PTPRD: variants seen among roughly 807,000 people sequenced by gnomAD.
The protein encoded by PTPRD is protein tyrosine phosphatase receptor type D, also known as receptor-type tyrosine-protein phosphatase delta.
A neutral mutation model predicts 214.5 loss-of-function variants in PTPRD; 34 were observed. That is an observed-to-expected ratio of 0.16 (90% CI 0.12 to 0.21). The LOEUF (loss-of-function observed/expected upper bound fraction) is 0.21, where lower values mean the gene tolerates loss of function less well. PTPRD is among the 10% of genes least tolerant of loss of function. The probability of loss-of-function intolerance (pLI) is 1.00; values close to 1 mark genes in which losing one functional copy is unlikely to be tolerated. For synonymous variants in PTPRD, 1,128 were observed against 845.7 expected, an observed-to-expected ratio of 1.33 and a Z score of -5.79; for missense variants, 2,545 against 2,398.7, an observed-to-expected ratio of 1.06 and a Z score of -1.27.
chr9:8,736,290 T>G (rs1211454285), intron 11 of PTPRD, among the ~76,000 whole-genome samples: 1 of 152,212 alleles, frequency 6.6e-6, no homozygotes, highest in Non-Finnish European at 1.5e-5. Flanking sequence ...CAGCCTCTTA[T>G]GCAGAGTACA....
At chr9:9,941,151 T>C (rs1287978166) in intron 4 of PTPRD, among the ~76,000 whole-genome samples, 1 of 152,168 alleles carries the variant, frequency 6.6e-6, no homozygotes, top group Non-Finnish European at 1.5e-5. Flanking sequence ...TTCAAAGCCG[T>C]CCTGGGCCGC....
At chr9:8,869,748 AT>A (rs1304207543) in intron 11 of PTPRD, among the ~76,000 whole-genome samples, 2 of 151,506 alleles carry the variant, frequency 1.3e-5, no homozygotes, top group Non-Finnish European at 2.9e-5. Flanking sequence ...AAAAAAAAAA[AT>A]CACAGGTGGC....
intron 6 of PTPRD, among the ~76,000 whole-genome samples, chr9:9,759,952 T>C (rs767512443): frequency 1.3e-5 from 2 of 152,204 alleles, no homozygotes; most frequent in African/African-American, 2.4e-5. Context: ...AATATATCTT[T>C]CTTTCCTTCT....
Position 8,518,987 on chromosome 9 carries a change from G to A in PTPRD, c.962-558C>T, listed in dbSNP as rs995116271. On this transcript the variant is annotated intron_variant, in intron 20 of 45. Coordinates refer to ENST00000381196, the MANE Select transcript of PTPRD (RefSeq NM_002839.4). The stretch of plus-strand genomic sequence containing the variant: ...CGATAAACATTGAAAAGAACAAAAT[G>A]TGGAATACATTGAAATGAAATTAAA... Among the ~76,000 whole-genome samples the A allele has an allele frequency of 6.6e-5, 10 of 152,174 alleles. 2 individuals carry two copies. The highest frequency in any genetic ancestry group is 4.6e-4 in the Admixed American group (7 of 15,272).
At chr9:10,186,985 G>A (rs1029541530) in intron 3 of PTPRD, among the ~76,000 whole-genome samples, 1 of 152,098 alleles carries the variant, frequency 6.6e-6, no homozygotes, top group African/African-American at 2.4e-5. Flanking sequence ...GAGAGAAAAG[G>A]AATTTTGCTT....
At chr9:9,589,099 C>G (rs545730205) in intron 7 of PTPRD, among the ~76,000 whole-genome samples, 1 of 151,896 alleles carries the variant, frequency 6.6e-6, no homozygotes, top group Admixed American at 6.6e-5. Flanking sequence ...TTTCTTAGTT[C>G]TAGGCAACTA....
At chr9:8,395,611 A>C (rs1361718273) in intron 36 of PTPRD, among the ~76,000 whole-genome samples, 3 of 151,900 alleles carry the variant, frequency 2.0e-5, no homozygotes, top group African/African-American at 7.2e-5. Context: ...AGTCTTTCCA[A>C]GTTTCTACAA....
intron 7 of PTPRD, among the ~76,000 whole-genome samples, chr9:9,628,659 C>A (rs1271310676): frequency 6.6e-6 from 1 of 151,982 alleles, no homozygotes; most frequent in East Asian, 1.9e-4. Flanking sequence ...TTGAAAGAAA[C>A]AGACATTCCC....
intron 37 of PTPRD, among the ~76,000 whole-genome samples, chr9:8,378,745 C>T (rs1446927743): frequency 1.3e-5 from 2 of 151,968 alleles, no homozygotes; most frequent in Admixed American, 6.6e-5. Context: ...ATGCACTGAA[C>T]CAAATTCAAT....
At chr9:9,228,783 C>A (rs942877886) in intron 9 of PTPRD, among the ~76,000 whole-genome samples, 1 of 152,106 alleles carries the variant, frequency 6.6e-6, no homozygotes, top group African/African-American at 2.4e-5. Flanking sequence ...CTATTAATTT[C>A]TTTTCCTTTT....
At position 10,552,569 on chromosome 9, in the gene PTPRD, G is replaced by A. The variant is rs150650529; in HGVS notation, c.-600+59829C>T. Among the ~76,000 whole-genome samples the A allele has an allele frequency of 1.7e-3, 259 of 151,988 alleles. 1 individual carries two copies. Among genetic ancestry groups the A allele is most frequent in the African/African-American group, 6.0e-3 (250 of 41,438 alleles). On this transcript the variant is annotated intron_variant, in intron 2 of 45. Coordinates refer to ENST00000381196, the MANE Select transcript of PTPRD (RefSeq NM_002839.4). ...TCCAGCCATCTTAGAATCCCATAATGCATCACATTTATATCCCTACCACTG... is the reference window on the plus strand; with the variant it reads ...TCCAGCCATCTTAGAATCCCATAATACATCACATTTATATCCCTACCACTG...
At chr9:9,221,761 T>C (rs1593913719) in intron 9 of PTPRD, among the ~76,000 whole-genome samples, 2 of 152,054 alleles carry the variant, frequency 1.3e-5, no homozygotes, top group African/African-American at 4.8e-5. Flanking sequence ...ATTCTGTCCA[T>C]AGCAACAACC....
intron 9 of PTPRD, among the ~76,000 whole-genome samples, chr9:9,383,857 C>T (rs2063046123): frequency 6.6e-6 from 1 of 151,954 alleles, no homozygotes; most frequent in African/African-American, 2.4e-5. Context: ...GAGTAGCTAC[C>T]TTGAATCCTG....
chr9:8,343,027 A>T (rs751074337), intron 39 of PTPRD, among the ~76,000 whole-genome samples: 1 of 152,058 alleles, frequency 6.6e-6, no homozygotes, highest in African/African-American at 2.4e-5. Flanking sequence ...CTGGCAAGGC[A>T]CCTTTGCAAC....
intron 2 of PTPRD, among the ~76,000 whole-genome samples, chr9:10,600,131 C>G (rs10809131): frequency 0.27 from 41,611 of 151,488 alleles, 6,546 homozygotes; most frequent in Non-Finnish European, 0.36. Context: ...TCTGGATTAC[C>G]TTTCCTAAGA....
intron 32 of PTPRD, among the ~76,000 whole-genome samples, chr9:8,463,451 G>A (rs12352210): frequency 0.032 from 4,886 of 151,672 alleles, 265 homozygotes; most frequent in African/African-American, 0.11. Flanking sequence ...TTTTGTAGGT[G>A]ATGTTAAAAC....
chr9:9,349,787 A>C (rs2050406703), intron 9 of PTPRD, among the ~76,000 whole-genome samples: 1 of 151,962 alleles, frequency 6.6e-6, no homozygotes, highest in African/African-American at 2.4e-5. Flanking sequence ...ATAATTGTAA[A>C]TATGTCTCAT....
chr9:10,534,758 G>C (rs1361346571), intron 2 of PTPRD, among the ~76,000 whole-genome samples: 1 of 152,088 alleles, frequency 6.6e-6, no homozygotes, highest in Non-Finnish European at 1.5e-5. Context: ...TTAATCATCT[G>C]CATTTCTGCT....
At chr9:8,514,334 T>C (rs1283986462) in intron 21 of PTPRD, among the ~76,000 whole-genome samples, 1 of 152,178 alleles carries the variant, frequency 6.6e-6, no homozygotes, top group African/African-American at 2.4e-5. Flanking sequence ...AAAATTTTGT[T>C]TCTCAGATAA....
Sources: allele counts gnomAD v4.1 joint callset (sites outside exome capture counted in the v4.1 genomes callset), GRCh38; gene constraint gnomAD v4.1.1; transcripts MANE v1.5; gene names NCBI Gene and HGNC (gene_info 2026-07-23, HGNC 2026-07-21).